The following APBA2 variants were observed in gnomAD, a reference collection of about 807,000 sequenced individuals.
The protein encoded by APBA2 is amyloid beta precursor protein binding family A member 2.
In APBA2, 30 loss-of-function variants were observed where a neutral mutation model predicts 75.0. That is an observed-to-expected ratio of 0.40 (90% CI 0.30 to 0.54). The LOEUF (loss-of-function observed/expected upper bound fraction) is 0.54, where lower values mean the gene tolerates loss of function less well. Ranked by LOEUF, APBA2 falls within the 20% of genes least tolerant of loss-of-function variation. The pLI is 0.49. For synonymous variants in APBA2, 444 were observed against 409.6 expected, an observed-to-expected ratio of 1.08 and a Z score of -1.01; for missense variants, 801 against 1,016.1, an observed-to-expected ratio of 0.79 and a Z score of 2.88.
chr15:29,025,724 G>C (rs1277367637), intron 3 of APBA2, among the ~76,000 whole-genome samples: 1 of 151,990 alleles, frequency 6.6e-6, no homozygotes, highest in South Asian at 2.1e-4. Context: ...GGCCGAGGCG[G>C]GCAGATCACC....
chr15:29,116,409 G>A (rs1468722807), intron 14 of APBA2, among the ~76,000 whole-genome samples: 1 of 152,058 alleles, frequency 6.6e-6, no homozygotes, highest in African/African-American at 2.4e-5. Context: ...GGCGTATCAC[G>A]AGGTCGGGAG....
chr15:29,056,606 C>CTTCCTTCCT (rs1391611533), intron 4 of APBA2, among the ~76,000 whole-genome samples: 7 of 4,504 alleles, frequency 1.6e-3, no homozygotes, highest in African/African-American at 2.4e-3. Context: ...CCCTCCCTCC[C>CTTCCTTCCT]TCCCTCCTTC....
chr15:28,902,890 G>A (rs2032942649), intron 1 of APBA2, among the ~76,000 whole-genome samples: 1 of 152,132 alleles, frequency 6.6e-6, no homozygotes, highest in African/African-American at 2.4e-5. Flanking sequence ...GAAAACTGGG[G>A]GGTAAGCTCA....
chr15:28,955,087 G>A (rs2036096077), intron 2 of APBA2, among the ~76,000 whole-genome samples: 1 of 152,142 alleles, frequency 6.6e-6, no homozygotes, highest in African/African-American at 2.4e-5. Context: ...TTGTTGCAGT[G>A]AACAGAGCCT....
intron 1 of APBA2, among the ~76,000 whole-genome samples, chr15:28,887,149 A>G (rs2152594297): frequency 6.6e-6 from 1 of 152,320 alleles, no homozygotes; most frequent in Non-Finnish European, 1.5e-5. Flanking sequence ...ATCTATTCAG[A>G]TACGACCTGG....
chr15:29,056,977 A>T (rs1271301017), intron 4 of APBA2, among the ~76,000 whole-genome samples: 2 of 152,070 alleles, frequency 1.3e-5, no homozygotes, highest in East Asian at 3.9e-4. Context: ...CTGCTTTCCT[A>T]AGAACAATCC....
At chr15:29,110,328 G>C (rs1421606108) in intron 13 of APBA2, among the ~76,000 whole-genome samples, 1 of 152,188 alleles carries the variant, frequency 6.6e-6, no homozygotes, top group Non-Finnish European at 1.5e-5. Context: ...GGCTGCCCCT[G>C]CCTGGCTAAA....
At chr15:28,910,021 G>A (rs1281629826) in intron 1 of APBA2, among the ~76,000 whole-genome samples, 1 of 152,130 alleles carries the variant, frequency 6.6e-6, no homozygotes, top group African/African-American at 2.4e-5. Context: ...AATATTATCC[G>A]AAGTTGGTAT....
At chr15:29,082,599 C>A (rs1165456710) in intron 6 of APBA2, among the ~76,000 whole-genome samples, 3 of 152,148 alleles carry the variant, frequency 2.0e-5, no homozygotes, top group Admixed American at 6.5e-5. Context: ...TTGGTTTGTA[C>A]TGTAAAAGTT....
chr15:28,950,308 G>A (rs1038257995), intron 2 of APBA2, among the ~76,000 whole-genome samples: 14 of 152,186 alleles, frequency 9.2e-5, no homozygotes, highest in African/African-American at 3.4e-4. Context: ...GGCTGAGGTA[G>A]CATGTGCCAG....
chr15:28,998,466 G>C (rs751119025), intron 3 of APBA2, among the ~76,000 whole-genome samples: 1 of 152,098 alleles, frequency 6.6e-6, no homozygotes, highest in Non-Finnish European at 1.5e-5. Context: ...TATAAATGCT[G>C]TGTAAAACCT....
chr15:28,917,995 G>A (rs1196609465), intron 1 of APBA2, among the ~76,000 whole-genome samples: 1 of 152,174 alleles, frequency 6.6e-6, no homozygotes, highest in Non-Finnish European at 1.5e-5. Flanking sequence ...CAGCTCAGCT[G>A]CCTGCTGCTT....
intron 2 of APBA2, among the ~76,000 whole-genome samples, chr15:28,983,379 C>G (rs1444184896): frequency 2.0e-5 from 3 of 152,122 alleles, no homozygotes; most frequent in African/African-American, 7.2e-5. Context: ...GAGTAATTGG[C>G]TTTGGTTTTG....
intron 1 of APBA2, among the ~76,000 whole-genome samples, chr15:28,900,682 C>T (rs897779104): frequency 1.8e-4 from 27 of 152,220 alleles, no homozygotes; most frequent in East Asian, 7.7e-4. Flanking sequence ...CGTTTTGAGC[C>T]CTTTAGCCTG....
In APBA2 at chr15:28,945,245, T is replaced by G. The variant is rs547584729; in HGVS notation, c.-95+23496T>G. 2.0e-5 allele frequency among the ~76,000 whole-genome samples: 3 copies of G among 152,086 alleles called. No homozygotes were observed. The East Asian group carries it at 5.8e-4, about 29-fold the overall frequency. On this transcript the variant is annotated intron_variant, in intron 2 of 14. Coordinates refer to ENST00000683413, the MANE Select transcript of APBA2 (RefSeq NM_001353788.2). Reference sequence around the variant, plus strand: ...AAGTATTCAGCCGACCATTAAAAAGTGAAAGTCAGAAGCAATGTAAGTCAA... The same window carrying G: ...AAGTATTCAGCCGACCATTAAAAAGGGAAAGTCAGAAGCAATGTAAGTCAA...
intron 3 of APBA2, among the ~76,000 whole-genome samples, chr15:29,034,923 T>C (rs1440518036): frequency 6.6e-6 from 1 of 152,202 alleles, no homozygotes; most frequent in African/African-American, 2.4e-5. Context: ...GTTTGAACTT[T>C]GGATTCTTGG....
At chr15:29,116,285 C>T (rs2045125853) in intron 14 of APBA2, among the ~76,000 whole-genome samples, 2 of 152,148 alleles carry the variant, frequency 1.3e-5, no homozygotes, top group Admixed American at 1.3e-4. Flanking sequence ...CCCCAGCGAG[C>T]CTGTTCCCAG....
intron 12 of APBA2, among the ~76,000 whole-genome samples, chr15:29,107,966 C>T (rs1028236419): frequency 2.0e-5 from 3 of 152,178 alleles, no homozygotes; most frequent in African/African-American, 7.2e-5. Flanking sequence ...TGGTTCTGCC[C>T]AGTGGCACTC....
At chr15:29,005,374 C>T (rs539057848) in intron 3 of APBA2, among the ~76,000 whole-genome samples, 9 of 152,116 alleles carry the variant, frequency 5.9e-5, no homozygotes, top group Non-Finnish European at 1.2e-4. Context: ...GGTCCTCCCA[C>T]CTTGGTCTCC....
Sources: gnomAD v4.1 joint callset for allele counts (sites outside exome capture counted in the v4.1 genomes callset) on GRCh38, gnomAD v4.1.1 for gene constraint, MANE v1.5 for transcripts, NCBI Gene and HGNC (gene_info 2026-07-23, HGNC 2026-07-21) for gene names.